The following TSPAN17 variants were observed in gnomAD, a reference collection of about 807,000 sequenced individuals.
TSPAN17 encodes tetraspanin-17.
Under a neutral mutation model 40.5 loss-of-function variants are expected in TSPAN17, and 33 were observed. The observed-to-expected ratio is 0.81, with a 90% CI of 0.62 to 1.09. The LOEUF (loss-of-function observed/expected upper bound fraction) is 1.09. TSPAN17 is among the 50% of genes least tolerant of loss of function. TSPAN17 has a pLI of 0.00. For missense variants in TSPAN17, 365 were observed against 416.8 expected, an observed-to-expected ratio of 0.88 and a Z score of 1.08; for synonymous variants, 166 against 169.4, an observed-to-expected ratio of 0.98 and a Z score of 0.15.
chr5:176,650,406 G>C lies in TSPAN17; in HGVS notation c.88-1210G>C, dbSNP rs188530595. 2.8e-3 allele frequency among the ~76,000 whole-genome samples: 421 copies of C among 152,256 alleles called. 2 individuals carry two copies. Among genetic ancestry groups the C allele is most frequent in the African/African-American group, 9.3e-3 (385 of 41,544 alleles). ...AAAGTGCTTTAATTGTATTTCCTTG[G>C]CTCTGATTGGCTGCCTCTGGACCAA... On this transcript the variant is annotated intron_variant, in intron 1 of 8. Transcript: ENST00000508164. The surrounding 1 kb of genome is among the most constrained non-coding windows in gnomAD (Gnocchi z 4.0).
At position 176,656,801 on chromosome 5, in the gene TSPAN17, C is replaced by T. The variant is rs990514745; in HGVS notation, c.732C>T (p.Gly244=). Residue 244 remains glycine, a synonymous_variant, in exon 7 of 9, where the codon GGC becomes GGT. Transcript: ENST00000508164. ...NLIVVAGVFM[G]IALLQIFGIC... ...TTGTGGTGGCGGGAGTCTTCATGGG[C>T]ATCGCCCTCCTCCAGGTACCCTTGT... is the stretch of plus-strand genomic sequence containing the variant. 3.7e-6 allele frequency: 6 copies of T among 1,614,114 alleles called. No homozygotes were observed. In the African/African-American group the frequency reaches 4.0e-5, roughly 11 times the overall value.
chr5:176,657,190 CGT>C lies in TSPAN17; in HGVS notation c.809+238_809+239del, dbSNP rs1300177659. Reference sequence around the variant, plus strand: ...GTGTGTACACACACATGCAGGCACACGTGTGCACAGGGAGCCACCGTCTCGGC... The same window carrying C: ...GTGTGTACACACACATGCAGGCACACGTGCACAGGGAGCCACCGTCTCGGC... On this transcript the variant is annotated intron_variant, in intron 8 of 8. Coordinates refer to ENST00000508164, the MANE Select transcript of TSPAN17 (RefSeq NM_130465.5). 6.5e-6 allele frequency: 4 copies of C among 617,878 alleles called. No individual in the cohort carries two copies. In the Admixed American group the frequency reaches 1.2e-4, roughly 18 times the overall value. 38.3% of individuals were successfully genotyped at this position (617,878 alleles called of 1,614,324 possible).
intron 8 of TSPAN17, 122 bp downstream of exon 8, chr5:176,657,078 A>G (rs1051731962): frequency 9.2e-6 from 10 of 1,084,006 alleles, no homozygotes; most frequent in African/African-American, 1.6e-5. Context: ...GCTGGGACTG[A>G]GCCTTGAGGG....
chr5:176,649,797 C>T (rs1406059552), intron 1 of TSPAN17, among the ~76,000 whole-genome samples: 1 of 152,188 alleles, frequency 6.6e-6, no homozygotes, highest in Non-Finnish European at 1.5e-5. Context: ...CCGGGCTGTC[C>T]GCCCTTCAGT....
In TSPAN17 at chr5:176,657,745, A is replaced by C; in HGVS notation, c.*47A>C. On this transcript the variant is annotated 3_prime_UTR_variant, in exon 9 of 9. Coordinates refer to ENST00000508164, the MANE Select transcript of TSPAN17 (RefSeq NM_130465.5). ...CCACAGCTTCTCTTGAAGAATGACC[A>C]CCTGGCTACGCCGGCTCTTCGGTGG... 2 of 1,521,918 alleles carry C rather than the reference A, an allele frequency of 1.3e-6. No individual in the cohort carries two copies. Among genetic ancestry groups the C allele is most frequent in the Non-Finnish European group, 1.8e-6 (2 of 1,138,792 alleles). The allele number at this position is 1,521,918 out of a possible 1,614,324, so 94.3% of individuals were successfully genotyped here.
chr5:176,652,329 C>T (rs909207646), intron 3 of TSPAN17, among the ~76,000 whole-genome samples: 1 of 152,222 alleles, frequency 6.6e-6, no homozygotes, highest in Non-Finnish European at 1.5e-5. Context: ...TCCCAAAGTG[C>T]TTTAATTGCG....
Position 176,654,687 on chromosome 5 carries a change from G to A in TSPAN17, c.457-208G>A. ...CCTCTCTTGGGTCGGGGAAGGGGGAGCTCAGTGTCCCCTCCCTTGCACCCC... is the reference window on the plus strand; with the variant it reads ...CCTCTCTTGGGTCGGGGAAGGGGGAACTCAGTGTCCCCTCCCTTGCACCCC... On this transcript the variant is annotated intron_variant, in intron 4 of 8. Transcript: ENST00000508164. This position sits in a 1 kb window ranked among gnomAD's most constrained non-coding sequence, Gnocchi z 4.3. 5.2e-6 allele frequency: 3 copies of A among 577,976 alleles called. No homozygotes were observed. The highest frequency in any genetic ancestry group is 6.0e-5 in the East Asian group (2 of 33,080). 35.8% of individuals were successfully genotyped at this position (577,976 alleles called of 1,614,324 possible).
In TSPAN17 at chr5:176,658,999, A is replaced by C. The variant is rs1173195652; in HGVS notation, c.*1301A>C. 1 of 152,312 alleles carries C rather than the reference A, an allele frequency of 6.6e-6. No individual in the cohort carries two copies. Among genetic ancestry groups the C allele is most frequent in the Non-Finnish European group, 1.5e-5 (1 of 68,076 alleles). The allele number at this position is 152,312 out of a possible 1,614,324, so 9.4% of individuals were successfully genotyped here. ...CTGGCCAGTGTCCTGGGCCCCTGACAGGCGCTGGCTGTGAGTGGTTTGTAC... is the reference window on the plus strand; with the variant it reads ...CTGGCCAGTGTCCTGGGCCCCTGACCGGCGCTGGCTGTGAGTGGTTTGTAC... On this transcript the variant is annotated 3_prime_UTR_variant, in exon 9 of 9. Coordinates refer to ENST00000508164, the MANE Select transcript of TSPAN17 (RefSeq NM_130465.5).
chr5:176,652,265 C>A (rs1420270213), intron 3 of TSPAN17, among the ~76,000 whole-genome samples: 1 of 152,230 alleles, frequency 6.6e-6, no homozygotes, highest in Non-Finnish European at 1.5e-5. Flanking sequence ...CCGGCTTCCC[C>A]ATGCCCTCCC....
At chr5:176,656,452 G>C (rs768187651) in intron 6 of TSPAN17, among the ~76,000 whole-genome samples, 5 of 152,126 alleles carry the variant, frequency 3.3e-5, no homozygotes, top group African/African-American at 4.8e-5. Flanking sequence ...AATATGAACA[G>C]CCATGTGACA....
chr5:176,648,194 G>T (rs765725408), intron 1 of TSPAN17, among the ~76,000 whole-genome samples: 8 of 152,190 alleles, frequency 5.3e-5, no homozygotes, highest in Non-Finnish European at 8.8e-5. Context: ...CTGCAGAGTG[G>T]GGTGGGTCAC....
Position 176,650,573 on chromosome 5 carries a change from G to A in TSPAN17, c.88-1043G>A, listed in dbSNP as rs1221250936. On this transcript the variant is annotated intron_variant, in intron 1 of 8. Coordinates refer to ENST00000508164, the MANE Select transcript of TSPAN17 (RefSeq NM_130465.5). The surrounding 1 kb of genome is among the most constrained non-coding windows in gnomAD (Gnocchi z 4.0). ...GCCAAGGGCAGGCCAAGTGGGAGGA[G>A]GCAGGAGAAGTGATGTTTGGTTTCA... is the stretch of plus-strand genomic sequence containing the variant. Among the ~76,000 whole-genome samples, 1 of 152,154 alleles carries A rather than the reference G, an allele frequency of 6.6e-6. No homozygotes were observed. The highest frequency in any genetic ancestry group is 2.4e-5 in the African/African-American group (1 of 41,422).
In TSPAN17 at chr5:176,656,901, G is replaced by T. The variant is rs1393431523; in HGVS notation, c.754G>T (p.Gly252Cys). Reference sequence around the variant, plus strand: ...CCTGTCCTCTGTCTTACAGATCTTTGGCATCTGCCTGGCCCAGAACCTCGT... The same window carrying T: ...CCTGTCCTCTGTCTTACAGATCTTTTGCATCTGCCTGGCCCAGAACCTCGT... ...FMGIALLQIF[G>C]ICLAQNLVSD... The change falls in exon 8 of 9, where the codon GGC becomes TGC. Residue 252 changes from glycine to cysteine, a missense_variant. Coordinates refer to ENST00000508164, the MANE Select transcript of TSPAN17 (RefSeq NM_130465.5). 1 of 1,614,188 alleles carries T rather than the reference G, an allele frequency of 6.2e-7. No individual in the cohort carries two copies. The highest frequency in any genetic ancestry group is 2.2e-5 in the East Asian group (1 of 44,874).
rs1760927933 is a variant in TSPAN17, at chr5:176,650,507, G to T, written c.88-1109G>T. On this transcript the variant is annotated intron_variant, in intron 1 of 8. Coordinates refer to ENST00000508164, the MANE Select transcript of TSPAN17 (RefSeq NM_130465.5). The surrounding 1 kb of genome is among the most constrained non-coding windows in gnomAD (Gnocchi z 4.0). ...ATGGGGTTGAGTTAACTGAGGTGGG[G>T]TTCAGGAAGGAGAAAGTGGCACTCA... is the stretch of plus-strand genomic sequence containing the variant. Among the ~76,000 whole-genome samples the T allele has an allele frequency of 6.6e-6, 1 of 152,164 alleles. No homozygotes were observed. Among genetic ancestry groups the T allele is most frequent in the Admixed American group, 6.5e-5 (1 of 15,274 alleles).
chr5:176,656,330 G>A (rs2113477024), intron 6 of TSPAN17, among the ~76,000 whole-genome samples: 1 of 152,346 alleles, frequency 6.6e-6, no homozygotes, highest in South Asian at 2.1e-4. Flanking sequence ...TCTGCTCTGT[G>A]GAGCACCCTT....
Position 176,657,544 on chromosome 5 carries a change from AC to A in TSPAN17, c.838del (p.His280ThrfsTer21). ...AGCAAATGGAATGATGACTTTGAAAACCACTGGCTTACGCCCACCATTTCCG... is the reference window on the plus strand; with the variant it reads ...AGCAAATGGAATGATGACTTTGAAAACACTGGCTTACGCCCACCATTTCCG... ...NWSKWNDDFE[N>X]HWLTPTISEV... is the part of the protein sequence containing the mutation. On this transcript the variant is annotated frameshift_variant, in exon 9 of 9. Transcript: ENST00000508164. LOFTEE classifies it low-confidence loss of function (END_TRUNC). 1 of 1,605,130 alleles carries A rather than the reference AC, an allele frequency of 6.2e-7. No homozygotes were observed. Among genetic ancestry groups the A allele is most frequent in the Non-Finnish European group, 8.5e-7 (1 of 1,175,000 alleles).
Position 176,651,744 on chromosome 5 carries a change from C to T in TSPAN17, c.139-10C>T, listed in dbSNP as rs1330666254. 15 of 1,614,136 alleles carry T rather than the reference C, an allele frequency of 9.3e-6. No individual in the cohort carries two copies. The highest frequency in any genetic ancestry group is 1.1e-5 in the Non-Finnish European group (13 of 1,179,972). ...CAGCTCCCCACACCTGCCTCTGCTG[C>T]CCGGCACAGGGCGTTCTCTCGAACA... On this transcript the variant is annotated splice_polypyrimidine_tract_variant and intron_variant, in intron 2 of 8. Transcript: ENST00000508164. This position sits in a 1 kb window ranked among gnomAD's most constrained non-coding sequence, Gnocchi z 4.5.
At chr5:176,649,594 AT>A (rs1760884967) in intron 1 of TSPAN17, among the ~76,000 whole-genome samples, 1 of 151,454 alleles carries the variant, frequency 6.6e-6, no homozygotes, top group Non-Finnish European at 1.5e-5. Context: ...CGCCTGGCTA[AT>A]TTTGTATTTT....
rs1027607850 is a variant in TSPAN17, at chr5:176,650,070, T to C, written c.88-1546T>C. ...TGACTGTCCATCTCCCCTGCTGGAGTGTAAGCTCCGTGAGGGTCGAGTCCG... is the reference window on the plus strand; with the variant it reads ...TGACTGTCCATCTCCCCTGCTGGAGCGTAAGCTCCGTGAGGGTCGAGTCCG... On this transcript the variant is annotated intron_variant, in intron 1 of 8. Transcript: ENST00000508164. This position sits in a 1 kb window ranked among gnomAD's most constrained non-coding sequence, Gnocchi z 4.0. Among the ~76,000 whole-genome samples the C allele has an allele frequency of 6.6e-6, 1 of 152,088 alleles. No homozygotes were observed. Among genetic ancestry groups the C allele is most frequent in the Admixed American group, 6.5e-5 (1 of 15,284 alleles).
Sources: gnomAD v4.1 joint callset for allele counts (sites outside exome capture counted in the v4.1 genomes callset) on GRCh38, gnomAD v4.1.1 for gene constraint, Gnocchi (gnomAD v3.1) non-coding constraint, MANE v1.5 for transcripts, NCBI Gene and HGNC (gene_info 2026-07-23, HGNC 2026-07-21) for gene names.